The following SNTA1 variants were observed in gnomAD, a reference collection of about 807,000 sequenced individuals.
SNTA1 encodes alpha-1-syntrophin.
A neutral mutation model predicts 47.1 loss-of-function variants in SNTA1; 31 were observed. The ratio of observed to expected loss-of-function variants is 0.66; its 90% confidence interval spans 0.49 to 0.89. The LOEUF is 0.89. Ranked by LOEUF, SNTA1 falls within the 40% of genes least tolerant of loss-of-function variation. The probability of loss-of-function intolerance (pLI) is 0.00; values close to 1 mark genes in which losing one functional copy is unlikely to be tolerated. For missense variants in SNTA1, 575 were observed against 693.0 expected (o/e 0.83, Z 1.91); for synonymous variants, 300 against 313.6 (o/e 0.96, Z 0.46).
At chr20:33,430,892 T>A (rs1990290434) in intron 2 of SNTA1, among the ~76,000 whole-genome samples, 1 of 150,968 alleles carries the variant, frequency 6.6e-6, no homozygotes, top group Admixed American at 6.6e-5. Flanking sequence ...CAGATTGCAG[T>A]GAGCCGAGAT....
chr20:33,429,058 T>G (rs1165373355), intron 2 of SNTA1, among the ~76,000 whole-genome samples: 2 of 151,594 alleles, frequency 1.3e-5, no homozygotes, highest in Non-Finnish European at 2.9e-5. Context: ...ACAAAAATTT[T>G]TTGTAGGCCA....
chr20:33,410,785 GT>G lies in SNTA1; in HGVS notation c.1041-455del, dbSNP rs557817233. 5.9e-5 allele frequency among the ~76,000 whole-genome samples: 9 copies of G among 152,216 alleles called. No homozygotes were observed. In the East Asian group the frequency reaches 1.7e-3, roughly 29 times the overall value. ...TACTTTTTATTATTTGTTTTCGTTGGTTTTTGACTGTCTTTTTCACTAGAAT... is the reference window on the plus strand; with the variant it reads ...TACTTTTTATTATTTGTTTTCGTTGGTTTTGACTGTCTTTTTCACTAGAAT... On this transcript the variant is annotated intron_variant, in intron 5 of 7. Coordinates refer to ENST00000217381, the MANE Select transcript of SNTA1 (RefSeq NM_003098.3).
In SNTA1 at chr20:33,408,521, C is replaced by G; in HGVS notation, c.1504G>C (p.Gly502Arg). 1 of 1,613,862 alleles carries G rather than the reference C, an allele frequency of 6.2e-7. No homozygotes were observed. Among genetic ancestry groups the G allele is most frequent in the Non-Finnish European group, 8.5e-7 (1 of 1,179,738 alleles). The change falls in exon 8 of 8, where the codon GGG becomes CGG. Residue 502 changes from glycine (G) to arginine (R), a missense_variant. Transcript: ENST00000217381. Reference protein sequence around the residue: ...SFLSAKVTRLGLLA With the variant: ...SFLSAKVTRLRLLA ...TCCGGCGACTTCTAGGCCAACAGCC[C>G]GAGGCGGGTGACTTTGGCCGACAGG...
At chr20:33,427,020 G>A (rs1042240877) in intron 2 of SNTA1, among the ~76,000 whole-genome samples, 1 of 145,924 alleles carries the variant, frequency 6.9e-6, no homozygotes, top group Non-Finnish European at 1.5e-5. Context: ...CTGTGATTGT[G>A]CCACTGTACT....
chr20:33,443,252 C>A, intron 1 of SNTA1, 59 bp downstream of exon 1: 1 of 1,365,814 alleles, frequency 7.3e-7, no homozygotes, highest in South Asian at 1.3e-5. Context: ...TGCCAGCCCC[C>A]TGCGCCCTCG....
chr20:33,424,021 A>G (rs919682748), intron 2 of SNTA1, among the ~76,000 whole-genome samples: 1 of 152,136 alleles, frequency 6.6e-6, no homozygotes, highest in Non-Finnish European at 1.5e-5. Flanking sequence ...ACCATCAAGA[A>G]TAGTACCTGA....
At chr20:33,419,226 C>A (rs972417586) in intron 2 of SNTA1, among the ~76,000 whole-genome samples, 6 of 152,212 alleles carry the variant, frequency 3.9e-5, no homozygotes, top group Non-Finnish European at 8.8e-5. Context: ...CTGCTCTCAA[C>A]CACACCTGCT....
In SNTA1 at chr20:33,417,720, T is replaced by A. The variant is rs1989909164; in HGVS notation, c.700A>T (p.Arg234Trp). 6.2e-7 allele frequency: 1 copy of A among 1,613,292 alleles called. No individual in the cohort carries two copies. The highest frequency in any genetic ancestry group is 1.7e-4 in the Middle Eastern group (1 of 6,052). The change falls in exon 3 of 8, where the codon AGG becomes TGG. Residue 234 changes from arginine to tryptophan, a missense_variant and splice_region_variant. Coordinates refer to ENST00000217381, the MANE Select transcript of SNTA1 (RefSeq NM_003098.3). ...KRCTPNDPEP[R>W]YLEICSADGQ... The stretch of plus-strand genomic sequence containing the variant: ...AGTTGCTCCCAACCCCAGCCTTACC[T>A]GGGCTCCGGGTCATTGGGGGTGCAC...
At chr20:33,442,929 C>T (rs944514279) in intron 1 of SNTA1, among the ~76,000 whole-genome samples, 6 of 152,056 alleles carry the variant, frequency 3.9e-5, no homozygotes, top group Non-Finnish European at 5.9e-5. Context: ...CTCAGGGACT[C>T]CCTCCTCCCT....
Position 33,417,865 on chromosome 20 carries a change from G to C in SNTA1, c.555C>G (p.Val185=). 1 of 1,614,036 alleles carries C rather than the reference G, an allele frequency of 6.2e-7. No individual in the cohort carries two copies. The highest frequency in any genetic ancestry group is 8.5e-7 in the Non-Finnish European group (1 of 1,179,982). Residue 185 remains valine (V), a synonymous_variant, in exon 3 of 8, where the codon GTC becomes GTG. Transcript: ENST00000217381. ...GTGAGGCAGGAGGTGAGTCCCAGCC[G>C]ACCGAGGTCCCACCAGTAGAGTTCT... ...YFKNSTGGTS[V]GWDSPPASPL... is the part of the protein sequence containing the mutation.
intron 2 of SNTA1, among the ~76,000 whole-genome samples, chr20:33,430,686 A>G (rs1191290251): frequency 6.6e-6 from 1 of 151,818 alleles, no homozygotes; most frequent in Admixed American, 6.6e-5. Flanking sequence ...AGTGGCTCAC[A>G]CCTGTAAATC....
chr20:33,433,255 G>A (rs765348925), intron 2 of SNTA1, among the ~76,000 whole-genome samples: 13 of 149,836 alleles, frequency 8.7e-5, no homozygotes, highest in African/African-American at 2.4e-4. Context: ...GTTTTTTGTC[G>A]GGTTTTTCTT....
In SNTA1 at chr20:33,436,963, CAAAA is replaced by C. The variant is rs1208975922; in HGVS notation, c.496+1874_496+1877del. ...TGGGCGACAGAGTAAGACTCCATCT[CAAAA>C]AAAAAAAAAAAAAAAAGCTAGGCGC... On this transcript the variant is annotated intron_variant, in intron 2 of 7. Coordinates refer to ENST00000217381, the MANE Select transcript of SNTA1 (RefSeq NM_003098.3). Among the ~76,000 whole-genome samples the C allele has an allele frequency of 9.4e-5, 5 of 53,178 alleles. No individual in the cohort carries two copies. In the East Asian group the frequency reaches 2.8e-3, roughly 30 times the overall value. 34.9% of individuals were successfully genotyped at this position (53,178 alleles called of 152,430 possible). A position where few individuals can be genotyped will look rare whatever the true frequency, so the allele number is the denominator to read the frequency against.
chr20:33,425,572 G>T (rs1359738022), intron 2 of SNTA1, among the ~76,000 whole-genome samples: 1 of 152,158 alleles, frequency 6.6e-6, no homozygotes, highest in African/African-American at 2.4e-5. Context: ...TGAGATGGGA[G>T]AATTACTTGA....
At chr20:33,414,421 C>T (rs1216408445) in intron 3 of SNTA1, among the ~76,000 whole-genome samples, 1 of 151,748 alleles carries the variant, frequency 6.6e-6, no homozygotes, top group South Asian at 2.1e-4. Flanking sequence ...GGCAAAACCC[C>T]ATCTCCTCTA....
chr20:33,420,877 G>A (rs1184388146), intron 2 of SNTA1, among the ~76,000 whole-genome samples: 3 of 151,890 alleles, frequency 2.0e-5, no homozygotes, highest in Non-Finnish European at 4.4e-5. Flanking sequence ...CCAGCTACTT[G>A]GGAGGCTGAG....
chr20:33,415,403 T>C (rs929869439), intron 3 of SNTA1, among the ~76,000 whole-genome samples: 1 of 152,200 alleles, frequency 6.6e-6, no homozygotes, highest in African/African-American at 2.4e-5. Flanking sequence ...ACCCCTGTAA[T>C]CCCAGCACTT....
intron 3 of SNTA1, among the ~76,000 whole-genome samples, chr20:33,415,876 A>G (rs1485444950): frequency 6.6e-6 from 1 of 152,154 alleles, no homozygotes. Flanking sequence ...CAGGAGGCCA[A>G]GGTGGGCGGA....
chr20:33,427,262 T>A (rs1990191302), intron 2 of SNTA1, among the ~76,000 whole-genome samples: 1 of 152,036 alleles, frequency 6.6e-6, no homozygotes, highest in African/African-American at 2.4e-5. Context: ...AGGATTTGAA[T>A]CCAGGCCCCG....
Sources: allele counts gnomAD v4.1 joint callset (sites outside exome capture counted in the v4.1 genomes callset), GRCh38; gene constraint gnomAD v4.1.1; transcripts MANE v1.5; gene names NCBI Gene and HGNC (gene_info 2026-07-23, HGNC 2026-07-21).